Variants in ATG7 observed in about 807,000 individuals in gnomAD.
ATG7 encodes the protein ubiquitin-like modifier-activating enzyme ATG7.
In ATG7, 70 loss-of-function variants were observed where a neutral mutation model predicts 82.4. The observed-to-expected ratio is 0.85, with a 90% CI of 0.70 to 1.04. ATG7 has a LOEUF of 1.04. Ranked by LOEUF, ATG7 falls within the 50% of genes least tolerant of loss-of-function variation. The probability of loss-of-function intolerance (pLI) is 0.00; values close to 1 mark genes in which losing one functional copy is unlikely to be tolerated. For missense variants in ATG7, 792 were observed against 864.3 expected, an observed-to-expected ratio of 0.92 and a Z score of 1.05; for synonymous variants, 287 against 313.0, an observed-to-expected ratio of 0.92 and a Z score of 0.88.
intron 19 of ATG7, among the ~76,000 whole-genome samples, chr3:11,417,805 ATTTTATTTTATT>A (rs2081513449): frequency 1.3e-4 from 7 of 52,740 alleles, no homozygotes; most frequent in Non-Finnish European, 8.6e-5. Flanking sequence ...TTATTATTTT[ATTTTATTTTATT>A]TTTTTTTTTT....
chr3:11,373,739 A>G (rs1467645382), intron 18 of ATG7, among the ~76,000 whole-genome samples: 1 of 152,192 alleles, frequency 6.6e-6, no homozygotes, highest in Non-Finnish European at 1.5e-5. Flanking sequence ...ACCTTTGCAT[A>G]AGGTACTTGG....
intron 20 of ATG7, among the ~76,000 whole-genome samples, chr3:11,438,590 AT>A (rs5846710): frequency 6.6e-6 from 1 of 151,626 alleles, no homozygotes; most frequent in Non-Finnish European, 1.5e-5. Context: ...AAAAATAAAG[AT>A]TTTTTTTCTT....
At chr3:11,423,335 A>G (rs1276630126) in intron 19 of ATG7, among the ~76,000 whole-genome samples, 3 of 152,204 alleles carry the variant, frequency 2.0e-5, no homozygotes, top group African/African-American at 7.2e-5. Context: ...GATCACCACA[A>G]CAGATATAAT....
intron 19 of ATG7, among the ~76,000 whole-genome samples, chr3:11,415,450 T>G (rs1382091851): frequency 6.6e-6 from 1 of 152,228 alleles, no homozygotes; most frequent in African/African-American, 2.4e-5. Context: ...ATTAAAAACT[T>G]TTTTTACTCT....
chr3:11,518,545 CAAAA>C (rs907867265), intron 20 of ATG7, among the ~76,000 whole-genome samples: 66 of 120,640 alleles, frequency 5.5e-4, no homozygotes, highest in Non-Finnish European at 8.8e-4. Context: ...GACACCCTCT[CAAAA>C]AAAAAAAAGA....
intron 20 of ATG7, among the ~76,000 whole-genome samples, chr3:11,527,642 C>T (rs999435196): frequency 6.6e-6 from 1 of 152,034 alleles, no homozygotes; most frequent in South Asian, 2.1e-4. Flanking sequence ...CAATGTATGC[C>T]CCACAATCAT....
intron 20 of ATG7, among the ~76,000 whole-genome samples, chr3:11,441,595 A>G (rs756447996): frequency 1.3e-5 from 2 of 151,422 alleles, no homozygotes; most frequent in Non-Finnish European, 2.9e-5. Flanking sequence ...GGTAACTGTT[A>G]CAAGTTTCTG....
chr3:11,558,262 G>A (rs1311930808), downstream of ATG7: 2 of 487,240 alleles, frequency 4.1e-6, no homozygotes, highest in Admixed American at 3.5e-5. Context: ...TGGCCCCGTC[G>A]GGGCAGCAGA....
chr3:11,329,792 G>A (rs115563323), intron 9 of ATG7, among the ~76,000 whole-genome samples: 202 of 152,248 alleles, frequency 1.3e-3, no homozygotes, highest in African/African-American at 4.7e-3. Flanking sequence ...AAACTAAGAA[G>A]CCAGAATTCT....
intron 20 of ATG7, among the ~76,000 whole-genome samples, chr3:11,465,325 G>C (rs1375016926): frequency 1.3e-5 from 2 of 151,744 alleles, no homozygotes; most frequent in African/African-American, 4.8e-5. Flanking sequence ...GGCACCTGTA[G>C]TCCCAGCTAC....
At chr3:11,482,317 C>T (rs2089095186) in intron 20 of ATG7, among the ~76,000 whole-genome samples, 1 of 152,204 alleles carries the variant, frequency 6.6e-6, no homozygotes, top group South Asian at 2.1e-4. Flanking sequence ...CACCCCATGT[C>T]CTCACCATCT....
At chr3:11,463,169 G>A (rs2086509031) in intron 20 of ATG7, among the ~76,000 whole-genome samples, 1 of 152,080 alleles carries the variant, frequency 6.6e-6, no homozygotes, top group Admixed American at 6.6e-5. Context: ...ACAGGCGTGA[G>A]CCACCATGCC....
chr3:11,417,361 A>T (rs1261178037), intron 19 of ATG7, among the ~76,000 whole-genome samples: 1 of 152,126 alleles, frequency 6.6e-6, no homozygotes, highest in African/African-American at 2.4e-5. Context: ...CACTGTTGTT[A>T]AGTACATACG....
chr3:11,475,281 C>T (rs1206137132), intron 20 of ATG7, among the ~76,000 whole-genome samples: 1 of 152,062 alleles, frequency 6.6e-6, no homozygotes, highest in Non-Finnish European at 1.5e-5. Context: ...TCCTCAAGTC[C>T]TTATACACAC....
chr3:11,383,902 G>A (rs547140162), intron 19 of ATG7, among the ~76,000 whole-genome samples: 1 of 152,178 alleles, frequency 6.6e-6, no homozygotes, highest in East Asian at 1.9e-4. Flanking sequence ...TTTATATATG[G>A]TGAAATGTAT....
the ATG7 span, among the ~76,000 whole-genome samples, chr3:11,572,638 C>T: frequency 6.6e-6 from 1 of 152,182 alleles, no homozygotes; most frequent in Non-Finnish European, 1.5e-5. Context: ...TCCGGAAGCA[C>T]ACATCCGTCG....
intron 19 of ATG7, among the ~76,000 whole-genome samples, chr3:11,406,840 C>T (rs1229087063): frequency 1.3e-5 from 2 of 152,156 alleles, no homozygotes; most frequent in Admixed American, 1.3e-4. Context: ...ATGATTCAAT[C>T]ATCTCCCACT....
At chr3:11,301,565 A>G (rs1946797364) in intron 5 of ATG7, among the ~76,000 whole-genome samples, 2 of 152,160 alleles carry the variant, frequency 1.3e-5, no homozygotes, top group Non-Finnish European at 2.9e-5. Context: ...TTAAAAATGT[A>G]TGTGTTGGTG....
chr3:11,335,227 G>C (rs1225329488), intron 11 of ATG7, among the ~76,000 whole-genome samples: 1 of 151,852 alleles, frequency 6.6e-6, no homozygotes, highest in Non-Finnish European at 1.5e-5. Flanking sequence ...AATAGCTCCT[G>C]TGTAATGTTA....
Sources: allele counts gnomAD v4.1 joint callset (sites outside exome capture counted in the v4.1 genomes callset), GRCh38; gene constraint gnomAD v4.1.1; transcripts MANE v1.5; gene names NCBI Gene and HGNC (gene_info 2026-07-23, HGNC 2026-07-21).